FYB1: variants seen among roughly 807,000 people sequenced by gnomAD.
FYB1 encodes the protein FYN-binding protein 1.
FYB1 carries 41 observed loss-of-function variants against 94.1 expected under a neutral mutation model. The observed-to-expected ratio is 0.44, with a 90% CI of 0.34 to 0.57. FYB1 has a LOEUF of 0.57. Ranked by LOEUF, FYB1 falls within the 20% of genes least tolerant of loss-of-function variation. The probability of loss-of-function intolerance (pLI) is 0.02; values close to 1 mark genes in which losing one functional copy is unlikely to be tolerated. For synonymous variants in FYB1, 367 were observed against 353.2 expected, an observed-to-expected ratio of 1.04 and a Z score of -0.44; for missense variants, 1,050 against 976.8, an observed-to-expected ratio of 1.07 and a Z score of -1.00.
chr5:39,143,026 T>C (rs1742322316), intron 3 of FYB1, among the ~76,000 whole-genome samples: 1 of 152,168 alleles, frequency 6.6e-6, no homozygotes, highest in Non-Finnish European at 1.5e-5. Context: ...CTGGTCTTGG[T>C]TCTCTTCTTC....
intron 3 of FYB1, among the ~76,000 whole-genome samples, chr5:39,151,867 A>G (rs983490529): frequency 1.8e-4 from 27 of 152,212 alleles, no homozygotes; most frequent in Non-Finnish European, 3.4e-4. Context: ...AGAAACACCT[A>G]TATCTTTCAC....
intron 2 of FYB1, among the ~76,000 whole-genome samples, chr5:39,163,070 T>C (rs899780606): frequency 2.0e-5 from 3 of 152,198 alleles, no homozygotes; most frequent in African/African-American, 7.2e-5. Flanking sequence ...AAAAGTATCA[T>C]TAAAAATTTT....
At chr5:39,186,889 T>A (rs966205827) in intron 2 of FYB1, among the ~76,000 whole-genome samples, 1 of 152,114 alleles carries the variant, frequency 6.6e-6, no homozygotes, top group Non-Finnish European at 1.5e-5. Flanking sequence ...AGACTTATTA[T>A]CCCCATTAGC....
intron 2 of FYB1, among the ~76,000 whole-genome samples, chr5:39,161,328 A>C (rs1290137173): frequency 6.6e-6 from 1 of 152,170 alleles, no homozygotes; most frequent in Non-Finnish European, 1.5e-5. Flanking sequence ...CAAACTGTAA[A>C]ATAAATATCT....
chr5:39,203,276 T>A (rs1446515829), intron 1 of FYB1, among the ~76,000 whole-genome samples: 1 of 152,176 alleles, frequency 6.6e-6, no homozygotes, highest in African/African-American at 2.4e-5. Context: ...TCTCTAGCTA[T>A]CTTGTTGGAT....
intron 2 of FYB1, chr5:39,170,208 A>C (rs775291680): frequency 3.6e-6 from 3 of 835,608 alleles, no homozygotes; most frequent in Non-Finnish European, 6.1e-6. Flanking sequence ...CAGTATAGTC[A>C]GTATTTTTGC....
In FYB1 at chr5:39,140,219, T is replaced by A. The variant is rs74741897; in HGVS notation, c.1339+876A>T. Among the ~76,000 whole-genome samples, 463 of 152,266 alleles carry A rather than the reference T, an allele frequency of 3.0e-3. 2 individuals are homozygous for A. Among genetic ancestry groups the A allele is most frequent in the African/African-American group, 0.011 (452 of 41,552 alleles). ...ACAACTGACCGAATGGGAGAAGATA[T>A]TTGCAATGTTTGAAGTTGACATGAC... On this transcript the variant is annotated intron_variant, in intron 4 of 18. Transcript: ENST00000512982.
chr5:39,195,796 G>C (rs781266696), intron 2 of FYB1, among the ~76,000 whole-genome samples: 1 of 152,274 alleles, frequency 6.6e-6, no homozygotes, highest in East Asian at 1.9e-4. Flanking sequence ...ACTTTGGTGA[G>C]GCATTGTGTT....
chr5:39,132,392 G>A (rs1741279120), intron 9 of FYB1, among the ~76,000 whole-genome samples: 1 of 152,160 alleles, frequency 6.6e-6, no homozygotes. Context: ...AACATGTATA[G>A]AAATGTCTTC....
At chr5:39,146,503 T>A (rs1401444079) in intron 3 of FYB1, among the ~76,000 whole-genome samples, 4 of 152,240 alleles carry the variant, frequency 2.6e-5, no homozygotes, top group Non-Finnish European at 5.9e-5. Flanking sequence ...GGCTTTTGAT[T>A]TTTTTGATGA....
intron 2 of FYB1, among the ~76,000 whole-genome samples, chr5:39,173,743 G>C (rs1258809837): frequency 1.4e-5 from 2 of 145,966 alleles, no homozygotes; most frequent in East Asian, 5.5e-4. Context: ...TCAAAGATCA[G>C]ATAGTTTGTA....
At chr5:39,186,797 T>C (rs535606646) in intron 2 of FYB1, among the ~76,000 whole-genome samples, 3 of 152,156 alleles carry the variant, frequency 2.0e-5, no homozygotes, top group Non-Finnish European at 4.4e-5. Flanking sequence ...AATTATTGTC[T>C]TTCTTTATGA....
chr5:39,217,368 T>C (rs1034755788), intron 1 of FYB1, among the ~76,000 whole-genome samples: 4 of 152,168 alleles, frequency 2.6e-5, no homozygotes, highest in South Asian at 2.1e-4. Context: ...GTTCACACAG[T>C]TGGGCTAAAA....
At chr5:39,264,202 A>G (rs996648045) in intron 1 of FYB1, among the ~76,000 whole-genome samples, 6 of 152,178 alleles carry the variant, frequency 3.9e-5, no homozygotes, top group Admixed American at 6.5e-5. Flanking sequence ...ATTCTTTTGC[A>G]TAGAGCTGCC....
chr5:39,272,578 A>T (rs1266217066), intron 1 of FYB1, among the ~76,000 whole-genome samples: 2 of 149,606 alleles, frequency 1.3e-5, no homozygotes, highest in African/African-American at 4.9e-5. Flanking sequence ...AGGCTGAGGC[A>T]GGAGAATGGC....
Position 39,202,395 on chromosome 5 carries a change from G to A in FYB1, c.566C>T (p.Pro189Leu), listed in dbSNP as rs752751330. Residue 189 changes from proline to leucine, a missense_variant, in exon 2 of 19, where the codon CCC (proline) becomes CTC (leucine). Physicochemically the swap from Pro to Leu is moderately conservative, Grantham distance 98 (BLOSUM62 -3). Transcript: ENST00000512982. ...KFMSASQDLE[P>L]KPLFPKPAFG... Reference sequence around the variant, plus strand: ...GGCGGGTTTGGGGAAGAGGGGCTTGGGTTCAAGATCTTGTGATGCTGACAT... The same window carrying A: ...GGCGGGTTTGGGGAAGAGGGGCTTGAGTTCAAGATCTTGTGATGCTGACAT... The A allele has an allele frequency of 6.2e-7, 1 of 1,613,744 alleles. No individual in the cohort carries two copies. The highest frequency in any genetic ancestry group is 8.5e-7 in the Non-Finnish European group (1 of 1,179,872).
intron 10 of FYB1, among the ~76,000 whole-genome samples, chr5:39,129,411 T>C (rs1259819501): frequency 6.6e-6 from 1 of 152,024 alleles, no homozygotes. Flanking sequence ...AGAGATTTCA[T>C]GACTAACACC....
intron 1 of FYB1, 64 bp downstream of exon 1, chr5:39,219,379 C>T (rs79377233): frequency 1.0e-6 from 1 of 955,038 alleles, no homozygotes; most frequent in Admixed American, 6.2e-5. Context: ...GGAAGTGGTG[C>T]TTTTTTCCTG....
intron 2 of FYB1, among the ~76,000 whole-genome samples, chr5:39,183,421 T>C (rs1177653765): frequency 6.6e-6 from 1 of 152,184 alleles, no homozygotes; most frequent in Admixed American, 6.5e-5. Context: ...TACTTGCCTC[T>C]TAGAGAAGCA....
Sources: gnomAD v4.1 joint callset for allele counts (sites outside exome capture counted in the v4.1 genomes callset) on GRCh38, gnomAD v4.1.1 for gene constraint, MANE v1.5 for transcripts, NCBI Gene and HGNC (gene_info 2026-07-23, HGNC 2026-07-21) for gene names.